The following CEP131 variants were observed in gnomAD, a reference collection of about 807,000 sequenced individuals.
The protein encoded by CEP131 is centrosomal protein of 131 kDa.
A neutral mutation model predicts 136.8 loss-of-function variants in CEP131; 99 were observed. The observed-to-expected ratio is 0.72, with a 90% confidence interval of 0.62 to 0.86. The LOEUF is 0.86. CEP131 is among the 40% of genes least tolerant of loss of function. The pLI is 0.00. For missense variants in CEP131, 1,459 were observed against 1,463.0 expected, an observed-to-expected ratio of 1.00 and a Z score of 0.04; for synonymous variants, 646 against 612.7, an observed-to-expected ratio of 1.05 and a Z score of -0.80.
intron 10 of CEP131, 109 bp from the exon 11 acceptor site, chr17:81,199,080 C>T: frequency 8.8e-7 from 1 of 1,139,014 alleles, no homozygotes; most frequent in South Asian, 1.6e-5. Context: ...GAGGCGACCC[C>T]AGAAGCAGAG....
In CEP131 at chr17:81,208,385, C is replaced by T. The variant is rs1262895121; in HGVS notation, c.272+543G>A. On this transcript the variant is annotated intron_variant, in intron 3 of 25. Transcript: ENST00000450824. The surrounding 1 kb of genome is among the most constrained non-coding windows in gnomAD (Gnocchi z 5.6). Reference sequence around the variant, plus strand: ...GTGGGAGGTGGTGTCAGGACCTCGCCCACCACTCTGGGCTAGAGGATGTCC... The same window carrying T: ...GTGGGAGGTGGTGTCAGGACCTCGCTCACCACTCTGGGCTAGAGGATGTCC... Among the ~76,000 whole-genome samples the T allele has an allele frequency of 1.3e-5, 2 of 152,142 alleles. No individual in the cohort carries two copies. The highest frequency in any genetic ancestry group is 4.8e-5 in the African/African-American group (2 of 41,416).
At chr17:81,200,132 C>CCAGG in intron 8 of CEP131, 197 bp downstream of exon 8, 1 of 613,814 alleles carries the variant, frequency 1.6e-6, no homozygotes, top group Non-Finnish European at 2.9e-6. Context: ...TTCCTGACAC[C>CCAGG]CAGGCCCTGA....
At chr17:81,220,139 TC>T in intron 1 of CEP131, 66 bp from the exon 2 acceptor site, 1 of 1,293,596 alleles carries the variant, frequency 7.7e-7, no homozygotes. Context: ...GCACCCACCA[TC>T]TCCAGCCCAG....
intron 3 of CEP131, among the ~76,000 whole-genome samples, chr17:81,207,902 A>C (rs1333246828): frequency 2.0e-5 from 3 of 148,228 alleles, no homozygotes. Context: ...ACACACATAC[A>C]CCACACACAC....
Position 81,190,973 on chromosome 17 carries a change from C to G in CEP131, c.2877G>C (p.Glu959Asp), listed in dbSNP as rs2061626561. The change falls in exon 23 of 26, where the codon GAG becomes GAC. Residue 959 changes from glutamate (E) to aspartate (D), a missense_variant. Transcript: ENST00000450824. ...SELKGQLGEA[E>D]GENLRLQGLV... Reference sequence around the variant, plus strand: ...GGCCCTGCAGACGCAGATTCTCGCCCTCGGCCTCCCCAAGCTGGCCCTTCA... The same window carrying G: ...GGCCCTGCAGACGCAGATTCTCGCCGTCGGCCTCCCCAAGCTGGCCCTTCA... 1.6e-5 allele frequency: 26 copies of G among 1,606,630 alleles called. No homozygotes were observed. Among genetic ancestry groups the G allele is most frequent in the Non-Finnish European group, 2.1e-5 (25 of 1,179,910 alleles).
chr17:81,216,326 T>G (rs993592970), intron 2 of CEP131, among the ~76,000 whole-genome samples: 4 of 151,862 alleles, frequency 2.6e-5, no homozygotes, highest in Non-Finnish European at 4.4e-5. Flanking sequence ...ACAAATGCAC[T>G]CCAGCCTGGG....
chr17:81,201,586 A>C (rs1160427772), intron 7 of CEP131, among the ~76,000 whole-genome samples: 1 of 152,196 alleles, frequency 6.6e-6, no homozygotes, highest in Non-Finnish European at 1.5e-5. Context: ...TACAATTTCC[A>C]TACTATAAAA....
intron 24 of CEP131, among the ~76,000 whole-genome samples, chr17:81,190,339 G>A (rs751639947): frequency 8.5e-5 from 13 of 152,152 alleles, no homozygotes; most frequent in African/African-American, 1.9e-4. Flanking sequence ...TTCAGCGCCT[G>A]TCCACCCAGC....
At chr17:81,190,549 G>A in intron 24 of CEP131, 90 bp downstream of exon 24, 1 of 1,414,544 alleles carries the variant, frequency 7.1e-7, no homozygotes, top group African/African-American at 1.5e-5. Flanking sequence ...GCCTTCCTCA[G>A]CCACAGCCTC....
At chr17:81,213,248 T>C (rs1324261941) in intron 2 of CEP131, among the ~76,000 whole-genome samples, 2 of 152,182 alleles carry the variant, frequency 1.3e-5, no homozygotes, top group African/African-American at 4.8e-5. Context: ...GAGTCCATTA[T>C]AATAAATGAT....
intron 2 of CEP131, among the ~76,000 whole-genome samples, chr17:81,217,122 C>G (rs976151300): frequency 6.6e-6 from 1 of 152,246 alleles, no homozygotes. Context: ...ATTTAAAGAC[C>G]TCTTTTCTTT....
chr17:81,194,976 C>G lies in CEP131; in HGVS notation c.2017-4G>C. 6.2e-7 allele frequency: 1 copy of G among 1,608,308 alleles called. No homozygotes were observed. The highest frequency in any genetic ancestry group is 8.5e-7 in the Non-Finnish European group (1 of 1,178,482). ...ATTCTTTGAGTTTTTTAATCTCCTA[C>G]GAGCAGAACAGGGCAGGAGGAAACG... On this transcript the variant is annotated splice_polypyrimidine_tract_variant and splice_region_variant and intron_variant, in intron 16 of 25. Coordinates refer to ENST00000450824, the MANE Select transcript of CEP131 (RefSeq NM_014984.4).
rs748097246 is a variant in CEP131 at position 81,191,206 on chromosome 17, C to T, written c.2752G>A (p.Ala918Thr). 25 of 1,612,616 alleles carry T rather than the reference C, an allele frequency of 1.6e-5. No homozygotes were observed. The South Asian group carries it at 2.4e-4, about 16-fold the overall frequency. The change falls in exon 22 of 26, where the codon GCT (alanine) becomes ACT (threonine). Residue 918 changes from alanine to threonine, a missense_variant. Physicochemically the swap from Ala to Thr is moderately conservative, Grantham distance 58. This residue lies in a region of CEP131 where 1,026 missense variants were observed against 964.2 expected (regional missense o/e 1.06). Coordinates refer to ENST00000450824, the MANE Select transcript of CEP131 (RefSeq NM_014984.4). ...MALAKEESEK[A>T]AESRIKRLRD... ...GCGGGTCCTTACCGGCTCTCGGCAG[C>T]CTTCTCACTCTCCTCCTTGGCCAGC...
rs546938534 is a variant in CEP131 at position 81,219,774 on chromosome 17, T to C, written c.177+106A>G. The C allele has an allele frequency of 2.9e-3, 3,545 of 1,231,708 alleles. 12 individuals are homozygous for C. The highest frequency in any genetic ancestry group is 3.5e-3 in the Admixed American group (131 of 37,334). The allele number at this position is 1,231,708 out of a possible 1,614,324, so 76.3% of individuals were successfully genotyped here. A position where few individuals can be genotyped will look rare whatever the true frequency, so the allele number is the denominator to read the frequency against. ...GCCACGAGGATCCAGCATGTCCAGATGTGAGGCACTTGTTCACCTGTGGAG... is the reference window on the plus strand; with the variant it reads ...GCCACGAGGATCCAGCATGTCCAGACGTGAGGCACTTGTTCACCTGTGGAG... On this transcript the variant is annotated intron_variant, in intron 2 of 25. Transcript: ENST00000450824. This position sits in a 1 kb window ranked among gnomAD's most constrained non-coding sequence, Gnocchi z 4.0.
At chr17:81,218,130 C>T (rs374332014) in intron 2 of CEP131, among the ~76,000 whole-genome samples, 1 of 151,998 alleles carries the variant, frequency 6.6e-6, no homozygotes, top group East Asian at 1.9e-4. Context: ...GCAGCCTCCT[C>T]CGCCCGGGTT....
intron 2 of CEP131, 95 bp from the exon 3 acceptor site, chr17:81,209,117 C>G: frequency 2.2e-6 from 2 of 924,656 alleles, no homozygotes; most frequent in Admixed American, 2.2e-5. Context: ...AGTCAGAGAA[C>G]AGAGGGGTGG....
At chr17:81,193,363 A>G (rs2061685143) in intron 18 of CEP131, among the ~76,000 whole-genome samples, 1 of 152,208 alleles carries the variant, frequency 6.6e-6, no homozygotes, top group African/African-American at 2.4e-5. Flanking sequence ...ACGACAGGCA[A>G]CAGGGTGGAT....
rs766337709 is a variant in CEP131, at chr17:81,190,965, T to C, written c.2885A>G (p.Asn962Ser). ...CCGCACAAGGCCCTGCAGACGCAGA[T>C]TCTCGCCCTCGGCCTCCCCAAGCTG... Reference protein sequence around the residue: ...KGQLGEAEGENLRLQGLVRQK... With the variant: ...KGQLGEAEGESLRLQGLVRQK... Residue 962 changes from asparagine (N) to serine (S), a missense_variant, in exon 23 of 26, where the codon AAT (asparagine) becomes AGT (serine). This residue lies in a region of CEP131 where 1,026 missense variants were observed against 964.2 expected (regional missense o/e 1.06). Coordinates refer to ENST00000450824, the MANE Select transcript of CEP131 (RefSeq NM_014984.4). 3 of 1,606,076 alleles carry C rather than the reference T, an allele frequency of 1.9e-6. No homozygotes were observed. Among genetic ancestry groups the C allele is most frequent in the Non-Finnish European group, 2.5e-6 (3 of 1,179,872 alleles).
intron 5 of CEP131, among the ~76,000 whole-genome samples, chr17:81,205,636 C>T (rs2061993837): frequency 6.6e-6 from 1 of 151,994 alleles, no homozygotes; most frequent in South Asian, 2.1e-4. Context: ...GGGGCTCAAA[C>T]CTGTAATCCC....
Sources: allele counts gnomAD v4.1 joint callset (sites outside exome capture counted in the v4.1 genomes callset), GRCh38; gene constraint gnomAD v4.1.1; regional missense constraint gnomAD v4.1.1; non-coding constraint Gnocchi (gnomAD v3.1); transcripts MANE v1.5; gene names NCBI Gene and HGNC (gene_info 2026-07-23, HGNC 2026-07-21).